KCNS3: variants seen among roughly 807,000 people sequenced by gnomAD.
The protein encoded by KCNS3 is potassium voltage-gated channel modifier subfamily S member 3.
A neutral mutation model predicts 31.0 loss-of-function variants in KCNS3; 13 were observed. That is an observed-to-expected ratio of 0.42 (90% confidence interval 0.27 to 0.67). The LOEUF (loss-of-function observed/expected upper bound fraction) is 0.67. Among genes scored for constraint, KCNS3 ranks in the 30% least tolerant of loss-of-function variants. The pLI, the probability that KCNS3 is intolerant of heterozygous loss-of-function variation, is 0.25. For synonymous variants in KCNS3, 238 were observed against 241.5 expected (o/e 0.99, Z 0.13); for missense variants, 545 against 622.4 (o/e 0.88, Z 1.32).
Position 17,931,843 on chromosome 2 carries a change from A to G in KCNS3, c.835A>G (p.Ser279Gly). The G allele has an allele frequency of 3.7e-6, 6 of 1,614,148 alleles. No individual in the cohort carries two copies. The East Asian group carries it at 1.3e-4, about 36-fold the overall frequency. Residue 279 changes from serine (S) to glycine (G), a missense_variant, in exon 3 of 3, where the codon AGT becomes GGT. By Grantham distance (56) the Ser-to-Gly change is moderately conservative. Coordinates refer to ENST00000304101, the MANE Select transcript of KCNS3 (RefSeq NM_002252.5). This position sits in a 1 kb window ranked among gnomAD's most constrained non-coding sequence, Gnocchi z 5.4. ...TLAVDTKEEESEDIENMGKVV... is the reference protein window; with the variant it reads ...TLAVDTKEEEGEDIENMGKVV... ...GGCTGTAGACACCAAGGAGGAAGAG[A>G]GTGAGGATATTGAGAACATGGGCAA...
At chr2:17,909,918 T>G (rs749559555) in intron 1 of KCNS3, among the ~76,000 whole-genome samples, 3 of 152,182 alleles carry the variant, frequency 2.0e-5, no homozygotes, top group Non-Finnish European at 2.9e-5. Flanking sequence ...TGGAAGCCAC[T>G]GGAGGGTTGA....
chr2:17,925,072 T>C (rs1354288125), intron 2 of KCNS3, among the ~76,000 whole-genome samples: 1 of 145,668 alleles, frequency 6.9e-6, no homozygotes, highest in Non-Finnish European at 1.5e-5. Flanking sequence ...GTGTAGATCA[T>C]CTCTTTCTAG....
rs1663015938 is a variant in KCNS3, at chr2:17,932,306, A to C, written c.1298A>C (p.His433Pro). The change falls in exon 3 of 3, where the codon CAT (histidine) becomes CCT (proline). Residue 433 changes from histidine (H) to proline (P), a missense_variant. His to Pro is a moderately conservative substitution (Grantham distance 77, BLOSUM62 -2). Coordinates refer to ENST00000304101, the MANE Select transcript of KCNS3 (RefSeq NM_002252.5). ...QCSEDAPEKC[H>P]ELPYFNIRDI... ...AGTGAGGATGCACCAGAGAAGTGTC[A>C]TGAGCTACCTTACTTTAACATTAGG... 1 of 1,614,000 alleles carries C rather than the reference A, an allele frequency of 6.2e-7. No individual in the cohort carries two copies. Among genetic ancestry groups the C allele is most frequent in the South Asian group, 1.1e-5 (1 of 91,076 alleles).
intron 1 of KCNS3, among the ~76,000 whole-genome samples, chr2:17,905,811 C>T (rs1662300665): frequency 6.6e-6 from 1 of 152,062 alleles, no homozygotes; most frequent in South Asian, 2.1e-4. Context: ...GGGATGAAGC[C>T]CACTTGATCA....
At chr2:17,884,264 A>ATATATAT (rs1553340988) in intron 1 of KCNS3, among the ~76,000 whole-genome samples, 120 of 47,920 alleles carry the variant, frequency 2.5e-3, no homozygotes, top group Non-Finnish European at 3.0e-3. Flanking sequence ...ATTAAAAAAA[A>ATATATAT]AAAAATATAT....
chr2:17,890,375 C>G (rs7585243), intron 1 of KCNS3, among the ~76,000 whole-genome samples: 49,948 of 149,344 alleles, frequency 0.33, 8,893 homozygotes, highest in East Asian at 0.58. Context: ...AAAGAACCAG[C>G]TTTTTGTTTC....
chr2:17,908,455 C>G (rs1157596089), intron 1 of KCNS3, among the ~76,000 whole-genome samples: 1 of 152,242 alleles, frequency 6.6e-6, no homozygotes, highest in Non-Finnish European at 1.5e-5. Flanking sequence ...CTTCTTTTCT[C>G]AACTCGTCAA....
chr2:17,925,110 C>A lies in KCNS3; in HGVS notation c.-59-5840C>A, dbSNP rs545994671. Among the ~76,000 whole-genome samples, 6 of 152,148 alleles carry A rather than the reference C, an allele frequency of 3.9e-5. No individual in the cohort carries two copies. In the South Asian group the frequency reaches 1.2e-3, roughly 32 times the overall value. ...TAAACTAAAAATAAAATTCTAAGCC[C>A]TCTTGACTATCTGAATGGACCCCTC... is the stretch of plus-strand genomic sequence containing the variant. On this transcript the variant is annotated intron_variant, in intron 2 of 2. Coordinates refer to ENST00000304101, the MANE Select transcript of KCNS3 (RefSeq NM_002252.5).
At chr2:17,898,650 G>A in intron 1 of KCNS3, among the ~76,000 whole-genome samples, 1 of 152,172 alleles carries the variant, frequency 6.6e-6, no homozygotes, top group East Asian at 1.9e-4. Flanking sequence ...AGAGTTTAAA[G>A]ACTAATCTCC....
intron 1 of KCNS3, among the ~76,000 whole-genome samples, chr2:17,909,820 A>G (rs1436439303): frequency 6.6e-6 from 1 of 152,198 alleles, no homozygotes; most frequent in Non-Finnish European, 1.5e-5. Context: ...ACAGATGGGA[A>G]TGATAGAGGG....
Position 17,932,353 on chromosome 2 carries a change from C to T in KCNS3, c.1345C>T (p.His449Tyr), listed in dbSNP as rs747044888. The change falls in exon 3 of 3, where the codon CAC (histidine) becomes TAC (tyrosine). Residue 449 changes from histidine to tyrosine, a missense_variant. Physicochemically the swap from His to Tyr is moderately conservative, Grantham distance 83. Transcript: ENST00000304101. ...TAGGGATATATATGCACAGCGGATG[C>T]ACACCTTCATTACCAGTCTCTCTTC... The part of the protein sequence containing the change: ...NIRDIYAQRM[H>Y]TFITSLSSVG... 2.4e-5 allele frequency: 38 copies of T among 1,613,950 alleles called. No homozygotes were observed. Among genetic ancestry groups the T allele is most frequent in the Non-Finnish European group, 3.1e-5 (36 of 1,179,980 alleles).
At chr2:17,885,297 GTCT>G (rs1181433821) in intron 1 of KCNS3, among the ~76,000 whole-genome samples, 1 of 152,080 alleles carries the variant, frequency 6.6e-6, no homozygotes, top group Non-Finnish European at 1.5e-5. Context: ...TCCTTACCTG[GTCT>G]TCTTCATTGC....
At chr2:17,889,234 C>A (rs1458231728) in intron 1 of KCNS3, among the ~76,000 whole-genome samples, 1 of 152,016 alleles carries the variant, frequency 6.6e-6, no homozygotes, top group African/African-American at 2.4e-5. Flanking sequence ...CGCTTGGTCG[C>A]TGTTGGTGTA....
At chr2:17,897,219 A>G (rs932149428) in intron 1 of KCNS3, among the ~76,000 whole-genome samples, 1 of 152,212 alleles carries the variant, frequency 6.6e-6, no homozygotes, top group Non-Finnish European at 1.5e-5. Context: ...TGCAAAGGAC[A>G]TGATTTTGTT....
At chr2:17,918,991 A>G (rs1206247974) in intron 2 of KCNS3, among the ~76,000 whole-genome samples, 3 of 152,248 alleles carry the variant, frequency 2.0e-5, no homozygotes, top group African/African-American at 7.2e-5. Context: ...TATTTACAGC[A>G]GGGCTAGGGG....
rs192526270 is a variant in KCNS3, at chr2:17,907,875, C to T, written c.-251-9805C>T. ...CCTTTGTGGGCAACCCGACCTTTCTCTCTGGCTGCCCTTAACATTTTTTCC... is the reference window on the plus strand; with the variant it reads ...CCTTTGTGGGCAACCCGACCTTTCTTTCTGGCTGCCCTTAACATTTTTTCC... On this transcript the variant is annotated intron_variant, in intron 1 of 2. Coordinates refer to ENST00000304101, the MANE Select transcript of KCNS3 (RefSeq NM_002252.5). Among the ~76,000 whole-genome samples, 150 of 152,334 alleles carry T rather than the reference C, an allele frequency of 9.8e-4. 1 individual carries two copies. The East Asian group carries it at 0.027, about 27-fold the overall frequency.
rs1235290362 is a variant in KCNS3, at chr2:17,931,669, G to C, written c.661G>C (p.Val221Leu). Residue 221 changes from valine to leucine, a missense_variant, in exon 3 of 3, where the codon GTG becomes CTG. Coordinates refer to ENST00000304101, the MANE Select transcript of KCNS3 (RefSeq NM_002252.5). This position sits in a 1 kb window ranked among gnomAD's most constrained non-coding sequence, Gnocchi z 5.4. ...TGAGGATGGAGAAGTGGATGATCCGGTGCTGGAAGGAGTGGAGATCGCGTG... is the reference window on the plus strand; with the variant it reads ...TGAGGATGGAGAAGTGGATGATCCGCTGCTGGAAGGAGTGGAGATCGCGTG... ...QNEDGEVDDPVLEGVEIACIA... is the reference protein window; with the variant it reads ...QNEDGEVDDPLLEGVEIACIA... 1.9e-6 allele frequency: 3 copies of C among 1,614,190 alleles called. No homozygotes were observed. The South Asian group carries it at 3.3e-5, about 18-fold the overall frequency.
chr2:17,931,823 T>C lies in KCNS3; in HGVS notation c.815T>C (p.Val272Ala). The C allele has an allele frequency of 6.2e-7, 1 of 1,614,184 alleles. No individual in the cohort carries two copies. Among genetic ancestry groups the C allele is most frequent in the Non-Finnish European group, 8.5e-7 (1 of 1,180,036 alleles). Residue 272 changes from valine (V) to alanine (A), a missense_variant, in exon 3 of 3, where the codon GTA (valine) becomes GCA (alanine). Transcript: ENST00000304101. This position sits in a 1 kb window ranked among gnomAD's most constrained non-coding sequence, Gnocchi z 5.4. ...ATTCCCTTCTATGCCACGTTGGCTG[T>C]AGACACCAAGGAGGAAGAGAGTGAG... ...SIIPFYATLA[V>A]DTKEEESEDI...
chr2:17,925,626 A>C (rs1662822617), intron 2 of KCNS3, among the ~76,000 whole-genome samples: 1 of 152,122 alleles, frequency 6.6e-6, no homozygotes, highest in Admixed American at 6.5e-5. Context: ...AGAAGGGAAA[A>C]GAGCTTTTTA....
Sources: allele counts gnomAD v4.1 joint callset (sites outside exome capture counted in the v4.1 genomes callset), GRCh38; gene constraint gnomAD v4.1.1; non-coding constraint Gnocchi (gnomAD v3.1); transcripts MANE v1.5; gene names NCBI Gene and HGNC (gene_info 2026-07-23, HGNC 2026-07-21).